COG5: variants seen among roughly 807,000 people sequenced by gnomAD.
The protein encoded by COG5 is conserved oligomeric Golgi complex subunit 5.
In COG5, 86 loss-of-function variants were observed where a neutral mutation model predicts 110.4. The ratio of observed to expected loss-of-function variants is 0.78; its 90% CI spans 0.65 to 0.93. COG5 has a LOEUF of 0.93. Among genes scored for constraint, COG5 ranks in the 40% least tolerant of loss-of-function variants. The probability of loss-of-function intolerance (pLI) is 0.00; values close to 1 mark genes in which losing one functional copy is unlikely to be tolerated. For synonymous variants in COG5, 360 were observed against 334.6 expected, an observed-to-expected ratio of 1.08 and a Z score of -0.83; for missense variants, 1,077 against 987.0, an observed-to-expected ratio of 1.09 and a Z score of -1.22.
intron 14 of COG5, among the ~76,000 whole-genome samples, chr7:107,274,331 G>C (rs936861429): frequency 3.3e-5 from 5 of 152,060 alleles, no homozygotes; most frequent in Non-Finnish European, 5.9e-5. Flanking sequence ...AATTAAAAAA[G>C]TTCATGAGCT....
At chr7:107,303,341 T>C (rs1807443510) in intron 11 of COG5, among the ~76,000 whole-genome samples, 1 of 152,188 alleles carries the variant, frequency 6.6e-6, no homozygotes, top group Admixed American at 6.5e-5. Context: ...GATTGATTAA[T>C]TAACTGTAAG....
At chr7:107,511,771 A>G (rs536268886) in intron 6 of COG5, among the ~76,000 whole-genome samples, 1 of 152,372 alleles carries the variant, frequency 6.6e-6, no homozygotes, top group East Asian at 1.9e-4. Context: ...AATCCAGCAT[A>G]TAAACAGAAC....
intron 5 of COG5, among the ~76,000 whole-genome samples, chr7:107,541,721 A>G (rs185594711): frequency 6.6e-6 from 1 of 150,864 alleles, no homozygotes; most frequent in East Asian, 1.9e-4. Flanking sequence ...TCACGAGGTC[A>G]GAAGTTCGAG....
chr7:107,506,091 A>C (rs2129139878), intron 6 of COG5, among the ~76,000 whole-genome samples: 1 of 152,336 alleles, frequency 6.6e-6, no homozygotes, highest in Admixed American at 6.5e-5. Flanking sequence ...GGACAGACTC[A>C]GGACCTCCTG....
At chr7:107,272,485 T>C (rs962329658) in intron 14 of COG5, among the ~76,000 whole-genome samples, 2 of 152,204 alleles carry the variant, frequency 1.3e-5, no homozygotes, top group Non-Finnish European at 2.9e-5. Flanking sequence ...TGAGGCTGTG[T>C]CTCTGCAAGT....
chr7:107,347,194 A>C (rs1584708877), intron 10 of COG5, among the ~76,000 whole-genome samples: 1 of 152,162 alleles, frequency 6.6e-6, no homozygotes, highest in African/African-American at 2.4e-5. Context: ...CATTCTTTCA[A>C]ATGTTGTTAA....
chr7:107,513,173 T>C (rs1160300026), intron 6 of COG5, among the ~76,000 whole-genome samples: 3 of 152,044 alleles, frequency 2.0e-5, no homozygotes, highest in Non-Finnish European at 4.4e-5. Context: ...ATATCCAGAA[T>C]CTACAATGAA....
At chr7:107,312,331 T>C (rs896668619) in intron 11 of COG5, among the ~76,000 whole-genome samples, 4 of 152,336 alleles carry the variant, frequency 2.6e-5, no homozygotes, top group African/African-American at 7.2e-5. Context: ...GACAGGACTA[T>C]AGCATGGAAA....
At chr7:107,480,491 T>C (rs1043298231) in intron 6 of COG5, among the ~76,000 whole-genome samples, 4 of 151,968 alleles carry the variant, frequency 2.6e-5, no homozygotes, top group African/African-American at 9.7e-5. Context: ...TCAGATCATA[T>C]CGTAAAAGAG....
intron 16 of COG5, among the ~76,000 whole-genome samples, chr7:107,251,078 A>G (rs892832518): frequency 1.3e-5 from 2 of 149,636 alleles, no homozygotes; most frequent in Non-Finnish European, 3.0e-5. Flanking sequence ...AACTATGCCT[A>G]GGCACATCAT....
rs1798348007 is a variant in COG5 at position 107,201,910 on chromosome 7, C to T, written c.*1606G>A. On this transcript the variant is annotated 3_prime_UTR_variant, in exon 22 of 22. Coordinates refer to ENST00000297135, the MANE Select transcript of COG5 (RefSeq NM_006348.5). Reference sequence around the variant, plus strand: ...TTCCTCTAGTAACCACCACATGGCTCAGCATCTGTGCCAAACATAGGCGCT... The same window carrying T: ...TTCCTCTAGTAACCACCACATGGCTTAGCATCTGTGCCAAACATAGGCGCT... 6.5e-6 allele frequency: 1 copy of T among 153,026 alleles called. No individual in the cohort carries two copies. The highest frequency in any genetic ancestry group is 1.5e-5 in the Non-Finnish European group (1 of 68,366). The allele number at this position is 153,026 out of a possible 1,614,324, so 9.5% of individuals were successfully genotyped here. A position where few individuals can be genotyped will look rare whatever the true frequency, so the allele number is the denominator to read the frequency against.
intron 6 of COG5, among the ~76,000 whole-genome samples, chr7:107,518,072 A>T (rs1800064888): frequency 6.6e-6 from 1 of 152,162 alleles, no homozygotes; most frequent in Non-Finnish European, 1.5e-5. Context: ...ACAAAGCAGA[A>T]ATAAGAAAGG....
chr7:107,357,585 G>C (rs1430992684), intron 10 of COG5, among the ~76,000 whole-genome samples: 3 of 152,062 alleles, frequency 2.0e-5, no homozygotes, highest in African/African-American at 7.2e-5. Context: ...CATGAAATAG[G>C]TGAATAAAAA....
chr7:107,542,739 G>A (rs947404069), intron 5 of COG5, among the ~76,000 whole-genome samples: 4 of 152,138 alleles, frequency 2.6e-5, no homozygotes, highest in African/African-American at 4.8e-5. Flanking sequence ...GGAGGCCGAG[G>A]CAGGTGGATC....
intron 12 of COG5, among the ~76,000 whole-genome samples, chr7:107,290,967 T>C (rs2116864846): frequency 6.6e-6 from 1 of 152,308 alleles, no homozygotes; most frequent in Middle Eastern, 3.4e-3. Flanking sequence ...ATTGTATAGT[T>C]TTTCCCTTGC....
chr7:107,391,315 T>C (rs1044361968), intron 7 of COG5, among the ~76,000 whole-genome samples: 1 of 152,192 alleles, frequency 6.6e-6, no homozygotes, highest in African/African-American at 2.4e-5. Flanking sequence ...TTATCTGTCG[T>C]TGGGTCAGGG....
At chr7:107,344,686 G>A (rs766232265) in intron 10 of COG5, among the ~76,000 whole-genome samples, 5 of 152,032 alleles carry the variant, frequency 3.3e-5, no homozygotes, top group Non-Finnish European at 5.9e-5. Flanking sequence ...CACCACACCT[G>A]GTTAATTTTG....
chr7:107,267,871 CAT>C (rs1803927385), intron 14 of COG5, among the ~76,000 whole-genome samples: 1 of 152,110 alleles, frequency 6.6e-6, no homozygotes, highest in Admixed American at 6.5e-5. Flanking sequence ...GCCTGAACAA[CAT>C]AGTGAGATCC....
intron 10 of COG5, among the ~76,000 whole-genome samples, chr7:107,335,806 A>G (rs895888702): frequency 3.9e-5 from 6 of 152,196 alleles, no homozygotes; most frequent in African/African-American, 1.4e-4. Context: ...GAAACCAAAA[A>G]GAGCAGGAAA....
Sources: gnomAD v4.1 joint callset for allele counts (sites outside exome capture counted in the v4.1 genomes callset) on GRCh38, gnomAD v4.1.1 for gene constraint, MANE v1.5 for transcripts, NCBI Gene and HGNC (gene_info 2026-07-23, HGNC 2026-07-21) for gene names.